PCLO: variants seen among roughly 807,000 people sequenced by gnomAD.
PCLO encodes the protein protein piccolo.
Under a neutral mutation model 427.5 loss-of-function variants are expected in PCLO, and 82 were observed. That is an observed-to-expected ratio of 0.19 (90% CI 0.16 to 0.23). The LOEUF (loss-of-function observed/expected upper bound fraction) is 0.23, where lower values mean the gene tolerates loss of function less well. PCLO is among the 10% of genes least tolerant of loss of function. The probability of loss-of-function intolerance (pLI) is 1.00; values close to 1 mark genes in which losing one functional copy is unlikely to be tolerated. For missense variants in PCLO, 6,239 were observed against 6,115.9 expected, an observed-to-expected ratio of 1.02 and a Z score of -0.67; for synonymous variants, 2,357 against 2,155.4, an observed-to-expected ratio of 1.09 and a Z score of -2.59.
chr7:83,062,093 T>C (rs1159987689), intron 3 of PCLO, among the ~76,000 whole-genome samples: 1 of 152,118 alleles, frequency 6.6e-6, no homozygotes, highest in Admixed American at 6.5e-5. Flanking sequence ...AGAAGTATGT[T>C]TGGATATGTT....
rs79044283 is a variant in PCLO at position 82,861,236 on chromosome 7, T to C, written c.13655-13989A>G. On this transcript the variant is annotated intron_variant, in intron 10 of 24. Coordinates refer to ENST00000333891, the MANE Select transcript of PCLO (RefSeq NM_033026.6). ...TACACTTAACCTGTAAAGACACACA[T>C]AGACTGAAAATAAAGGGAGGGATGA... Among the ~76,000 whole-genome samples the C allele has an allele frequency of 3.2e-3, 481 of 152,094 alleles. 4 individuals carry two copies. The highest frequency in any genetic ancestry group is 0.011 in the African/African-American group (452 of 41,536).
chr7:82,953,595 G>T lies in PCLO; in HGVS notation c.7358C>A (p.Thr2453Lys). Residue 2453 changes from threonine to lysine, a missense_variant, in exon 5 of 25, where the codon ACA becomes AAA. Transcript: ENST00000333891. ...LTVASPVTTA[T>K]PLFDAVTTLE... ...AGTAGTAACAGCATCAAACAGAGGT[G>T]TAGCTGTAGTCACTGGAGATGCAAC... 1 of 1,612,770 alleles carries T rather than the reference G, an allele frequency of 6.2e-7. No individual in the cohort carries two copies. The highest frequency in any genetic ancestry group is 1.1e-5 in the South Asian group (1 of 91,016).
chr7:83,121,454 AAAAG>A (rs1226496874), intron 3 of PCLO, among the ~76,000 whole-genome samples: 6 of 152,176 alleles, frequency 3.9e-5, no homozygotes, highest in South Asian at 4.1e-4. Context: ...AAGAAGACAG[AAAAG>A]AAAGAAGAGA....
intron 20 of PCLO, chr7:82,820,809 T>C: frequency 8.1e-7 from 1 of 1,231,106 alleles, no homozygotes; most frequent in Non-Finnish European, 1.0e-6. Flanking sequence ...ATAGTCATGC[T>C]TGAACAGATT....
At chr7:82,970,071 G>A (rs1795866420) in intron 3 of PCLO, among the ~76,000 whole-genome samples, 1 of 151,976 alleles carries the variant, frequency 6.6e-6, no homozygotes, top group Non-Finnish European at 1.5e-5. Context: ...GAAATTCAAT[G>A]ATTAAGTTAA....
intron 4 of PCLO, among the ~76,000 whole-genome samples, chr7:82,962,546 G>A (rs1302946859): frequency 6.6e-6 from 1 of 151,932 alleles, no homozygotes; most frequent in Non-Finnish European, 1.5e-5. Flanking sequence ...TACATACTCA[G>A]TTCATAATAT....
chr7:83,162,295 A>C (rs1284769898), intron 1 of PCLO, 50 bp downstream of exon 1: 5 of 1,526,716 alleles, frequency 3.3e-6, no homozygotes, highest in Non-Finnish European at 4.4e-6. Flanking sequence ...ACATATGTGC[A>C]CGGGAAGCTG....
chr7:82,907,816 A>G (rs1187366139), intron 8 of PCLO, among the ~76,000 whole-genome samples: 1 of 151,994 alleles, frequency 6.6e-6, no homozygotes, highest in Non-Finnish European at 1.5e-5. Context: ...ATTCTGTTTA[A>G]TAGGTAGAAA....
intron 9 of PCLO, among the ~76,000 whole-genome samples, chr7:82,887,915 C>A (rs1403049052): frequency 6.6e-6 from 1 of 151,860 alleles, no homozygotes; most frequent in African/African-American, 2.4e-5. Flanking sequence ...TAAAAAGCTA[C>A]AAAAATTAGC....
At chr7:82,969,814 G>A (rs867467303) in intron 3 of PCLO, among the ~76,000 whole-genome samples, 2 of 152,046 alleles carry the variant, frequency 1.3e-5, no homozygotes, top group African/African-American at 2.4e-5. Context: ...ACAAAGAGAC[G>A]GAGATATTGT....
At chr7:82,881,210 AAAAC>A (rs1326499236) in intron 9 of PCLO, among the ~76,000 whole-genome samples, 4 of 152,138 alleles carry the variant, frequency 2.6e-5, no homozygotes, top group Admixed American at 2.6e-4. Flanking sequence ...ACAGAAACAG[AAAAC>A]AAACAAAAAA....
intron 3 of PCLO, among the ~76,000 whole-genome samples, chr7:82,995,838 T>C (rs1255998514): frequency 6.6e-6 from 1 of 151,984 alleles, no homozygotes; most frequent in African/African-American, 2.4e-5. Flanking sequence ...GCACGGTATA[T>C]AGTAAACATT....
At position 82,772,400 on chromosome 7, in the gene PCLO, G is replaced by A. The variant is rs913002404; in HGVS notation, c.15008-10907C>T. On this transcript the variant is annotated intron_variant, in intron 22 of 24. Coordinates refer to ENST00000333891, the MANE Select transcript of PCLO (RefSeq NM_033026.6). ...GAGCCTCTATTATTGAAAGCTATGG[G>A]GTGGCCTCCTAGCACATTCTCATGT... Among the ~76,000 whole-genome samples the A allele has an allele frequency of 7.2e-5, 11 of 152,052 alleles. No homozygotes were observed. The East Asian group carries it at 2.1e-3, about 29-fold the overall frequency.
intron 16 of PCLO, among the ~76,000 whole-genome samples, chr7:82,833,332 G>T (rs1404758480): frequency 6.6e-6 from 1 of 152,130 alleles, no homozygotes; most frequent in Non-Finnish European, 1.5e-5. Context: ...TCGCTCAACA[G>T]TGTGATGAGA....
intron 10 of PCLO, among the ~76,000 whole-genome samples, chr7:82,873,999 C>A (rs1793305379): frequency 6.6e-6 from 1 of 152,078 alleles, no homozygotes; most frequent in Non-Finnish European, 1.5e-5. Context: ...ATTTTGTATA[C>A]TATTTTAAAA....
chr7:82,862,331 A>G (rs1056419188), intron 10 of PCLO, among the ~76,000 whole-genome samples: 1 of 151,934 alleles, frequency 6.6e-6, no homozygotes, highest in African/African-American at 2.4e-5. Context: ...AGAAAAGAGA[A>G]CCCTTGTTCA....
intron 2 of PCLO, among the ~76,000 whole-genome samples, chr7:83,140,761 C>T (rs975840498): frequency 6.6e-6 from 1 of 152,192 alleles, no homozygotes; most frequent in Non-Finnish European, 1.5e-5. Context: ...GAGTCTCTCA[C>T]AATTACAACA....
intron 10 of PCLO, among the ~76,000 whole-genome samples, chr7:82,870,517 C>G (rs1793208002): frequency 6.6e-6 from 1 of 151,914 alleles, no homozygotes; most frequent in Non-Finnish European, 1.5e-5. Context: ...TACTCCAGGA[C>G]ATTGGTATGG....
chr7:83,099,853 T>A (rs530227072), intron 3 of PCLO, among the ~76,000 whole-genome samples: 3,518 of 150,918 alleles, frequency 0.023, 69 homozygotes, highest in Non-Finnish European at 0.029. Flanking sequence ...GCTGTTGTCG[T>A]TAAATCCATA....
Sources: gnomAD v4.1 joint callset for allele counts (sites outside exome capture counted in the v4.1 genomes callset) on GRCh38, gnomAD v4.1.1 for gene constraint, MANE v1.5 for transcripts, NCBI Gene and HGNC (gene_info 2026-07-23, HGNC 2026-07-21) for gene names.